The following DDX60 variants were observed in gnomAD, a reference collection of about 807,000 sequenced individuals.
DDX60 encodes the protein DExD/H-box helicase 60.
DDX60 carries 165 observed loss-of-function variants against 212.8 expected under a neutral mutation model. The ratio of observed to expected loss-of-function variants is 0.78; its 90% CI spans 0.68 to 0.88. The LOEUF (loss-of-function observed/expected upper bound fraction) is 0.88, where lower values mean the gene tolerates loss of function less well. DDX60 is among the 40% of genes least tolerant of loss of function. DDX60 has a pLI of 0.00. For synonymous variants in DDX60, 703 were observed against 685.3 expected, an observed-to-expected ratio of 1.03 and a Z score of -0.40; for missense variants, 1,905 against 2,003.9, an observed-to-expected ratio of 0.95 and a Z score of 0.94.
rs576918579 is a variant in DDX60, at chr4:168,233,903, G to C, written c.4533+2349C>G. 4.3e-4 allele frequency among the ~76,000 whole-genome samples: 65 copies of C among 152,100 alleles called. 4 individuals carry two copies. In the South Asian group the frequency reaches 0.013, roughly 30 times the overall value. On this transcript the variant is annotated intron_variant, in intron 33 of 37. Transcript: ENST00000393743. Reference sequence around the variant, plus strand: ...AATTCATATGTGGTCATCCGGAAAAGTATCTTTGATATAAGTATAAAAAAG... The same window carrying C: ...AATTCATATGTGGTCATCCGGAAAACTATCTTTGATATAAGTATAAAAAAG...
At chr4:168,310,876 T>C in intron 3 of DDX60, 122 bp downstream of exon 3, 1 of 508,214 alleles carries the variant, frequency 2.0e-6, no homozygotes, top group Non-Finnish European at 3.6e-6. Context: ...GCATAGTTGT[T>C]CAGTGCCCTT....
At chr4:168,234,347 A>C (rs1009428568) in intron 33 of DDX60, among the ~76,000 whole-genome samples, 1 of 151,934 alleles carries the variant, frequency 6.6e-6, no homozygotes, top group African/African-American at 2.4e-5. Flanking sequence ...TATATACATT[A>C]AACTTTTTCC....
intron 6 of DDX60, among the ~76,000 whole-genome samples, chr4:168,297,308 A>G (rs540168249): frequency 4.2e-5 from 1 of 23,886 alleles, no homozygotes; most frequent in African/African-American, 3.9e-4. Context: ...GAAAGAAAGA[A>G]AGAAAGAAAG....
At position 168,260,903 on chromosome 4, in the gene DDX60, T is replaced by C; in HGVS notation, c.3360A>G (p.Lys1120=). 1 of 1,609,744 alleles carries C rather than the reference T, an allele frequency of 6.2e-7. No homozygotes were observed. The highest frequency in any genetic ancestry group is 8.5e-7 in the Non-Finnish European group (1 of 1,177,518). ...MITMFPLLVE[K]LRKMEKLPAL... is the part of the protein sequence containing the mutation. ...CAGGTAACTTCTCCATTTTCCTTAG[T>C]TTTTCAACTAGAAGTGGAAACATGG... The change falls in exon 25 of 38, where the codon AAA becomes AAG. Residue 1120 remains lysine, a synonymous_variant. Transcript: ENST00000393743.
Position 168,252,606 on chromosome 4 carries a change from T to C in DDX60, c.3608A>G (p.His1203Arg). The C allele has an allele frequency of 6.2e-7, 1 of 1,613,494 alleles. No homozygotes were observed. Among genetic ancestry groups the C allele is most frequent in the Non-Finnish European group, 8.5e-7 (1 of 1,179,646 alleles). The part of the protein sequence containing the change: ...KTRNVDQSLI[H>R]EAEHDNLVKC... Reference sequence around the variant, plus strand: ...CACTAGATTATCATGTTCAGCTTCATGTATTAGGCTTTGATCCACATTTCT... The same window carrying C: ...CACTAGATTATCATGTTCAGCTTCACGTATTAGGCTTTGATCCACATTTCT... The change falls in exon 27 of 38, where the codon CAT becomes CGT. Residue 1203 changes from histidine to arginine, a missense_variant. His to Arg is a conservative substitution (Grantham distance 29). Coordinates refer to ENST00000393743, the MANE Select transcript of DDX60 (RefSeq NM_017631.6).
At chr4:168,274,137 A>G in intron 16 of DDX60, 54 bp from the exon 17 acceptor site, 1 of 1,605,118 alleles carries the variant, frequency 6.2e-7, no homozygotes. Flanking sequence ...ATGTTACCAA[A>G]ACAAAGACAG....
At chr4:168,302,864 C>G (rs1163701049) in intron 5 of DDX60, among the ~76,000 whole-genome samples, 1 of 152,154 alleles carries the variant, frequency 6.6e-6, no homozygotes, top group African/African-American at 2.4e-5. Flanking sequence ...AGGTACCTAT[C>G]ACCCAGCAGC....
At chr4:168,270,459 T>G (rs1735041058) in intron 19 of DDX60, among the ~76,000 whole-genome samples, 1 of 152,254 alleles carries the variant, frequency 6.6e-6, no homozygotes, top group African/African-American at 2.4e-5. Context: ...TCCCTGATTC[T>G]GCCAGAATAG....
the DDX60 span, among the ~76,000 whole-genome samples, chr4:168,325,908 G>A: frequency 2.6e-5 from 4 of 152,166 alleles, no homozygotes; most frequent in Non-Finnish European, 4.4e-5. Context: ...TGACAGCCAC[G>A]TCTTTCCACA....
intron 25 of DDX60, among the ~76,000 whole-genome samples, chr4:168,259,204 G>A (rs537335848): frequency 2.0e-5 from 3 of 152,268 alleles, no homozygotes; most frequent in African/African-American, 7.2e-5. Context: ...GCCTAAGGTG[G>A]TAGAAGTAAA....
rs765697042 is a variant in DDX60, at chr4:168,272,095, G to A, written c.2618C>T (p.Ala873Val). Reference protein sequence around the residue: ...VPACFEILLLAPHRQNWVKKI... With the variant: ...VPACFEILLLVPHRQNWVKKI... ...TTTCACCCAGTTTTGGCGATGAGGA[G>A]CAAGCAGCAGAATTTCAAAGCAGGC... is the stretch of plus-strand genomic sequence containing the variant. The change falls in exon 19 of 38, where the codon GCT becomes GTT. Residue 873 changes from alanine (A) to valine (V), a missense_variant. Coordinates refer to ENST00000393743, the MANE Select transcript of DDX60 (RefSeq NM_017631.6). 1 of 1,587,030 alleles carries A rather than the reference G, an allele frequency of 6.3e-7. No homozygotes were observed. The highest frequency in any genetic ancestry group is 8.6e-7 in the Non-Finnish European group (1 of 1,163,872).
At chr4:168,284,344 A>T (rs1735726776) in intron 12 of DDX60, among the ~76,000 whole-genome samples, 1 of 152,150 alleles carries the variant, frequency 6.6e-6, no homozygotes, top group Admixed American at 6.5e-5. Flanking sequence ...AGGGATACAG[A>T]AAGTTGAGAT....
At chr4:168,268,560 G>C (rs551417117) in intron 20 of DDX60, among the ~76,000 whole-genome samples, 28 of 151,738 alleles carry the variant, frequency 1.8e-4, no homozygotes, top group Non-Finnish European at 3.8e-4. Context: ...TTTATTTCTT[G>C]GTGAAGGACA....
intron 33 of DDX60, among the ~76,000 whole-genome samples, chr4:168,228,597 A>T (rs910670035): frequency 1.3e-5 from 2 of 152,078 alleles, no homozygotes; most frequent in Non-Finnish European, 2.9e-5. Context: ...CAAAATTTTA[A>T]AACATTTAAA....
rs906000796 is a variant in DDX60, at chr4:168,253,886, T to C, written c.3558-1230A>G. 9.2e-5 allele frequency among the ~76,000 whole-genome samples: 14 copies of C among 152,328 alleles called. No homozygotes were observed. In the South Asian group the frequency reaches 2.5e-3, roughly 27 times the overall value. On this transcript the variant is annotated intron_variant, in intron 26 of 37. Coordinates refer to ENST00000393743, the MANE Select transcript of DDX60 (RefSeq NM_017631.6). ...ATGTAACATGCACCCAAGTCACTTA[T>C]CACTTATTTGATTTTTTAAATTTTT...
chr4:168,267,025 G>A (rs932819144), intron 22 of DDX60, among the ~76,000 whole-genome samples: 11 of 152,112 alleles, frequency 7.2e-5, no homozygotes, highest in Admixed American at 4.6e-4. Context: ...GGCCATGTAT[G>A]GGACTAGGAT....
chr4:168,267,116 A>G (rs1251111869), intron 22 of DDX60, among the ~76,000 whole-genome samples: 1 of 152,162 alleles, frequency 6.6e-6, no homozygotes, highest in African/African-American at 2.4e-5. Flanking sequence ...AAATCTTCCT[A>G]AGACCTCCAC....
intron 3 of DDX60, among the ~76,000 whole-genome samples, chr4:168,308,677 T>TCTATACTATA (rs1159895626): frequency 8.1e-5 from 12 of 148,412 alleles, no homozygotes; most frequent in African/African-American, 2.7e-4. Flanking sequence ...TATATAATAT[T>TCTATACTATA]CTATACTATA....
intron 19 of DDX60, among the ~76,000 whole-genome samples, chr4:168,269,826 C>A (rs1314176666): frequency 6.6e-6 from 1 of 152,050 alleles, no homozygotes; most frequent in Admixed American, 6.5e-5. Flanking sequence ...TTGAACTCAC[C>A]CTTTCTACCC....
Sources: allele counts gnomAD v4.1 joint callset (sites outside exome capture counted in the v4.1 genomes callset), GRCh38; gene constraint gnomAD v4.1.1; transcripts MANE v1.5; gene names NCBI Gene and HGNC (gene_info 2026-07-23, HGNC 2026-07-21).